The following GPRC5D variants were observed in gnomAD, a reference collection of about 807,000 sequenced individuals.
The protein encoded by GPRC5D is G protein-coupled receptor family C group 5 member D.
Under a neutral mutation model 29.3 loss-of-function variants are expected in GPRC5D, and 20 were observed. The observed-to-expected ratio is 0.68, with a 90% CI of 0.48 to 0.99. GPRC5D has a LOEUF of 0.99. GPRC5D is among the 50% of genes least tolerant of loss of function. The pLI is 0.00. For synonymous variants in GPRC5D, 178 were observed against 171.3 expected, an observed-to-expected ratio of 1.04 and a Z score of -0.30; for missense variants, 384 against 423.6, an observed-to-expected ratio of 0.91 and a Z score of 0.82.
chr12:12,942,388 A>G (rs1438966433), intron 1 of GPRC5D, 60 bp from the exon 3 acceptor site: 7 of 1,036,708 alleles, frequency 6.8e-6, no homozygotes, highest in South Asian at 3.8e-5. Flanking sequence ...GAAACAGCAC[A>G]TGAGGACTAC....
chr12:12,944,934 C>CTTTCCTTTCT (rs1306760116), intron 1 of GPRC5D, among the ~76,000 whole-genome samples: 1 of 45,956 alleles, frequency 2.2e-5, no homozygotes, highest in African/African-American at 4.2e-5. Context: ...TCTTCCTTTT[C>CTTTCCTTTCT]TTCCCTTTCT....
chr12:12,949,348 T>C (rs1863427480), intron 1 of GPRC5D, 142 bp downstream of exon 2: 1 of 680,610 alleles, frequency 1.5e-6, no homozygotes, highest in African/African-American at 1.8e-5. Context: ...AGTCTGCATT[T>C]CTATGCTTGA....
chr12:12,945,065 A>G (rs1454144831), intron 1 of GPRC5D, among the ~76,000 whole-genome samples: 2 of 147,440 alleles, frequency 1.4e-5, no homozygotes, highest in Non-Finnish European at 3.0e-5. Flanking sequence ...AGTGCAATGC[A>G]TGATCTCAAC....
At chr12:12,949,680 G>A (rs1863437006) in exon 1 of GPRC5D, 1 of 1,613,984 alleles carries the variant, frequency 6.2e-7, no homozygotes, top group Admixed American at 1.7e-5. Flanking sequence ...CGTCCCACTG[G>A]GGCTGTCGCT....
upstream of GPRC5D, among the ~76,000 whole-genome samples, chr12:12,951,230 T>C (rs1237421886): frequency 6.6e-6 from 1 of 152,244 alleles, no homozygotes; most frequent in Non-Finnish European, 1.5e-5. Flanking sequence ...TGCTGGGCAC[T>C]GTAATTTCTC....
In GPRC5D at chr12:12,946,373, T is replaced by C. The variant is rs1260403890; in HGVS notation, c.895+3117A>G. Among the ~76,000 whole-genome samples the C allele has an allele frequency of 8.0e-5, 12 of 150,152 alleles. 1 individual carries two copies. The highest frequency in any genetic ancestry group is 2.9e-4 in the African/African-American group (12 of 40,724). On this transcript the variant is annotated intron_variant, in intron 1 of 2. Coordinates refer to ENST00000228887, the Ensembl canonical transcript of GPRC5D. ...TCTTTCTTTCTTTCTTTCTTTTCTT[T>C]CTTTCTTTCTCTCTTTCTCTCTCTC...
At chr12:12,943,992 AGGCTCCTAGGGCTTGAG>A (rs1863213803) in intron 1 of GPRC5D, among the ~76,000 whole-genome samples, 1 of 152,172 alleles carries the variant, frequency 6.6e-6, no homozygotes, top group South Asian at 2.1e-4. Flanking sequence ...GAGGAATCTG[AGGCTCCTAGGGCTTGAG>A]GACCTTGGTT....
exon 1 of GPRC5D, chr12:12,949,518 G>C: frequency 6.2e-7 from 1 of 1,613,938 alleles, no homozygotes. Context: ...TCTCCACTTG[G>C]AAGCTGTGTT....
At chr12:12,945,151 C>T (rs1015755607) in intron 1 of GPRC5D, among the ~76,000 whole-genome samples, 1 of 151,324 alleles carries the variant, frequency 6.6e-6, no homozygotes, top group African/African-American at 2.4e-5. Flanking sequence ...CTACGGGTGC[C>T]CGACACCACG....
At chr12:12,941,228 G>T (rs1285986769) in intron 2 of GPRC5D, among the ~76,000 whole-genome samples, 2 of 152,142 alleles carry the variant, frequency 1.3e-5, no homozygotes, top group South Asian at 2.1e-4. Flanking sequence ...TATGTTTGAA[G>T]TATTATTATC....
In GPRC5D at chr12:12,942,344, G is replaced by C. The variant is rs1863175014; in HGVS notation, c.896-16C>G. The C allele has an allele frequency of 1.9e-6, 3 of 1,582,618 alleles. No individual in the cohort carries two copies. The highest frequency in any genetic ancestry group is 2.2e-5 in the East Asian group (1 of 44,794). ...CTGTCTCGGGCTGAAAGCCAAAGGA[G>C]GGAAGGGCTGGGTTAGTGTCCGAGA... On this transcript the variant is annotated splice_polypyrimidine_tract_variant and intron_variant, in intron 1 of 2. Coordinates refer to ENST00000228887, the Ensembl canonical transcript of GPRC5D.
chr12:12,944,828 TCCTTCC>T (rs1863247355), intron 1 of GPRC5D, among the ~76,000 whole-genome samples: 1 of 21,772 alleles, frequency 4.6e-5, no homozygotes, highest in African/African-American at 9.3e-5. Flanking sequence ...CTTCCTTCCT[TCCTTCC>T]TTCCTTCCTT....
exon 1 of GPRC5D, chr12:12,950,366 C>T (rs772220727): frequency 8.7e-6 from 14 of 1,604,760 alleles, no homozygotes; most frequent in African/African-American, 2.7e-5. Context: ...CCAGTGGACT[C>T]GATGCAGTCC....
upstream of GPRC5D, among the ~76,000 whole-genome samples, chr12:12,950,984 C>T (rs1863481576): frequency 6.6e-6 from 1 of 151,788 alleles, no homozygotes; most frequent in South Asian, 2.1e-4. Flanking sequence ...ATGGCATGCG[C>T]TTATATTCCC....
chr12:12,940,695 C>T (rs1863119268), downstream of GPRC5D: 3 of 804,420 alleles, frequency 3.7e-6, no homozygotes, highest in South Asian at 2.8e-5. Flanking sequence ...CAGCGTGACT[C>T]TGTGGGCCCC....
chr12:12,947,727 G>C (rs2136501691), intron 1 of GPRC5D, among the ~76,000 whole-genome samples: 1 of 152,136 alleles, frequency 6.6e-6, no homozygotes, highest in South Asian at 2.1e-4. Flanking sequence ...ACCATGCCCA[G>C]CTAATTTTTT....
intron 1 of GPRC5D, among the ~76,000 whole-genome samples, chr12:12,947,511 T>C (rs558925548): frequency 1.2e-4 from 18 of 152,044 alleles, no homozygotes; most frequent in Non-Finnish European, 1.8e-4. Context: ...TTCCTTCCCT[T>C]CCTTCCTTCC....
intron 1 of GPRC5D, chr12:12,944,380 C>G (rs980938250): frequency 6.6e-6 from 1 of 152,226 alleles, no homozygotes; most frequent in African/African-American, 2.4e-5. Flanking sequence ...AGTTCTCTCT[C>G]TGTGACCTGT....
intron 2 of GPRC5D, among the ~76,000 whole-genome samples, chr12:12,941,555 T>C (rs1248022791): frequency 6.6e-6 from 1 of 152,206 alleles, no homozygotes; most frequent in Non-Finnish European, 1.5e-5. Flanking sequence ...AGTAAATTCA[T>C]TGAATAAATG....
Sources: gnomAD v4.1 joint callset for allele counts (sites outside exome capture counted in the v4.1 genomes callset) on GRCh38, gnomAD v4.1.1 for gene constraint, MANE v1.5 for transcripts, NCBI Gene and HGNC (gene_info 2026-07-23, HGNC 2026-07-21) for gene names.